TADA3: variants seen among roughly 807,000 people sequenced by gnomAD.
The protein encoded by TADA3 is transcriptional adapter 3.
Under a neutral mutation model 43.2 loss-of-function variants are expected in TADA3, and 25 were observed. The observed-to-expected ratio is 0.58, with a 90% CI of 0.42 to 0.81. The LOEUF (loss-of-function observed/expected upper bound fraction) is 0.81. TADA3 is among the 30% of genes least tolerant of loss of function. The probability of loss-of-function intolerance (pLI) is 0.00; values close to 1 mark genes in which losing one functional copy is unlikely to be tolerated. For missense variants in TADA3, 441 were observed against 567.8 expected (o/e 0.78, Z 2.27); for synonymous variants, 235 against 225.5 (o/e 1.04, Z -0.38).
At chr3:9,786,108 T>C (rs1046133792) in intron 6 of TADA3, among the ~76,000 whole-genome samples, 1 of 152,134 alleles carries the variant, frequency 6.6e-6, no homozygotes, top group Non-Finnish European at 1.5e-5. Context: ...CCGGCTAATT[T>C]TTTTGTATTT....
At chr3:9,785,195 C>G in intron 7 of TADA3, 121 bp downstream of exon 7, 1 of 683,724 alleles carries the variant, frequency 1.5e-6, no homozygotes. Context: ...CTTGAGACTG[C>G]TATTAGGCTT....
At chr3:9,791,138 C>T in intron 2 of TADA3, 122 bp downstream of exon 2, 1 of 938,424 alleles carries the variant, frequency 1.1e-6, no homozygotes, top group Non-Finnish European at 1.6e-6. Flanking sequence ...CAGTTTGCGT[C>T]TCTCTCCCTC....
chr3:9,786,016 G>A (rs1040454023), intron 6 of TADA3, among the ~76,000 whole-genome samples: 3 of 151,392 alleles, frequency 2.0e-5, no homozygotes, highest in South Asian at 4.2e-4. Flanking sequence ...TCGGCTTACT[G>A]CAAGCTCCGC....
chr3:9,784,081 A>C lies in TADA3; in HGVS notation c.1053T>G (p.Ala351=). The C allele has an allele frequency of 1.2e-6, 2 of 1,614,150 alleles. No individual in the cohort carries two copies. The highest frequency in any genetic ancestry group is 1.7e-6 in the Non-Finnish European group (2 of 1,180,012). ...EVLAELRKRQ[A]ELKALSAHNR... ...TGTGGGCACTAAGTGCCTTCAGCTC[A>C]GCCTGCCGTTTGCGAAGCTCAGCAA... The change falls in exon 8 of 9, where the codon GCT becomes GCG. Residue 351 remains alanine (A), a synonymous_variant. Transcript: ENST00000301964.
At chr3:9,781,833 CTTTTTTTTT>C (rs35246642) in intron 8 of TADA3, among the ~76,000 whole-genome samples, 25 of 86,892 alleles carry the variant, frequency 2.9e-4, no homozygotes, top group South Asian at 4.6e-4. Flanking sequence ...CCCATTACTT[CTTTTTTTTT>C]TTTTTTTTTT....
intron 7 of TADA3, among the ~76,000 whole-genome samples, chr3:9,785,051 A>G (rs1038638491): frequency 1.3e-5 from 2 of 152,162 alleles, no homozygotes; most frequent in Admixed American, 1.3e-4. Flanking sequence ...TTATTTCATC[A>G]TATGGAGTTA....
At position 9,789,681 on chromosome 3, in the gene TADA3, G is replaced by A. The variant is rs201111978; in HGVS notation, c.458+32C>T. ...CCAGTGCCTCCACCACCAGAACCTT[G>A]AGGCCCCCTTCTATGTTCTCTAGCC... On this transcript the variant is annotated intron_variant, in intron 3 of 8. Transcript: ENST00000301964. The A allele has an allele frequency of 3.7e-6, 6 of 1,609,250 alleles. No homozygotes were observed. In the South Asian group the frequency reaches 6.6e-5, roughly 18 times the overall value.
intron 2 of TADA3, among the ~76,000 whole-genome samples, chr3:9,790,826 G>C (rs1439049771): frequency 6.6e-6 from 1 of 152,194 alleles, no homozygotes; most frequent in Non-Finnish European, 1.5e-5. Flanking sequence ...CACATAGCTA[G>C]GAAACAGCAA....
intron 6 of TADA3, among the ~76,000 whole-genome samples, chr3:9,786,105 AT>A (rs1233116723): frequency 6.6e-6 from 1 of 151,840 alleles, no homozygotes; most frequent in African/African-American, 2.4e-5. Context: ...TGCCCGGCTA[AT>A]TTTTTTGTAT....
At chr3:9,790,652 T>C (rs2078707078) in intron 2 of TADA3, among the ~76,000 whole-genome samples, 1 of 152,196 alleles carries the variant, frequency 6.6e-6, no homozygotes, top group African/African-American at 2.4e-5. Flanking sequence ...GAGTAGCAAA[T>C]AAATAACATC....
chr3:9,792,398 T>C lies in TADA3; in HGVS notation c.-210A>G, dbSNP rs567972364. 242 of 826,324 alleles carry C rather than the reference T, an allele frequency of 2.9e-4. No homozygotes were observed. Among genetic ancestry groups the C allele is most frequent in the Middle Eastern group, 2.7e-3 (5 of 1,860 alleles). The allele number at this position is 826,324 out of a possible 1,614,324, so 51.2% of individuals were successfully genotyped here. On this transcript the variant is annotated 5_prime_UTR_variant, in exon 1 of 9. Transcript: ENST00000301964. ...ACCCCCGCCCCCTCTACCTCCTCGC[T>C]GCGGCCTCCTACGGCCCCAGGGGCC...
chr3:9,785,946 T>TG (rs974788799), intron 6 of TADA3, among the ~76,000 whole-genome samples: 40 of 151,294 alleles, frequency 2.6e-4, no homozygotes, highest in Non-Finnish European at 5.2e-4. Flanking sequence ...TGTTTTGTTT[T>TG]TTTTTTTTGA....
rs995971057 is a variant in TADA3, at chr3:9,780,218, G to C, written c.*139C>G. On this transcript the variant is annotated 3_prime_UTR_variant, in exon 9 of 9. Coordinates refer to ENST00000301964, the MANE Select transcript of TADA3 (RefSeq NM_006354.5). ...TACAGAGCTAGGCCAAAAGACCTCA[G>C]GGGAAGGGCCACGGCCCTCTAGAGA... is the stretch of plus-strand genomic sequence containing the variant. The C allele has an allele frequency of 7.9e-6, 7 of 882,666 alleles. No homozygotes were observed. In the African/African-American group the frequency reaches 1.0e-4, roughly 13 times the overall value. 54.7% of individuals were successfully genotyped at this position (882,666 alleles called of 1,614,324 possible).
At position 9,780,364 on chromosome 3, in the gene TADA3, T is replaced by C; in HGVS notation, c.1292A>G (p.Asp431Gly). The C allele has an allele frequency of 6.2e-7, 1 of 1,612,030 alleles. No individual in the cohort carries two copies. Among genetic ancestry groups the C allele is most frequent in the Non-Finnish European group, 8.5e-7 (1 of 1,179,242 alleles). ...CTGAGGCAGGGGTGAGGGCTACCCA[T>C]CCAGCAGCTTCAGGATGCTCTCACG... ...KERESILKLL[D>G]G is the part of the protein sequence containing the mutation. The change falls in exon 9 of 9, where the codon GAT becomes GGT. Residue 431 changes from aspartate to glycine, a missense_variant. By Grantham distance (94) the Asp-to-Gly change is moderately conservative. Coordinates refer to ENST00000301964, the MANE Select transcript of TADA3 (RefSeq NM_006354.5).
chr3:9,784,786 C>T (rs559403252), intron 7 of TADA3, among the ~76,000 whole-genome samples: 70 of 151,782 alleles, frequency 4.6e-4, no homozygotes, highest in Non-Finnish European at 8.1e-4. Flanking sequence ...ATCGCTTGAA[C>T]CTGGGAGGCG....
intron 4 of TADA3, chr3:9,787,817 T>C: frequency 1.2e-6 from 1 of 855,410 alleles, no homozygotes; most frequent in South Asian, 1.4e-5. Context: ...AACTTTCTGC[T>C]GGGGAATCTG....
chr3:9,787,424 A>C (rs756609860), intron 4 of TADA3, 84 bp from the exon 5 acceptor site: 83 of 1,509,776 alleles, frequency 5.5e-5, no homozygotes, highest in Middle Eastern at 1.8e-4. Flanking sequence ...CCTATCTTAT[A>C]TCTCTCTCAA....
chr3:9,790,660 A>G (rs1200378925), intron 2 of TADA3, among the ~76,000 whole-genome samples: 1 of 152,222 alleles, frequency 6.6e-6, no homozygotes, highest in East Asian at 1.9e-4. Flanking sequence ...AATAAATAAC[A>G]TCTGAAGTAC....
At chr3:9,783,997 C>T (rs1343885025) in intron 8 of TADA3, 31 bp downstream of exon 8, 4 of 1,600,970 alleles carry the variant, frequency 2.5e-6, no homozygotes, top group South Asian at 1.1e-5. Flanking sequence ...CCAAGGCCAC[C>T]CCCGGGACTG....
Sources: allele counts gnomAD v4.1 joint callset (sites outside exome capture counted in the v4.1 genomes callset), GRCh38; gene constraint gnomAD v4.1.1; transcripts MANE v1.5; gene names NCBI Gene and HGNC (gene_info 2026-07-23, HGNC 2026-07-21).